Variants in FRMD3 observed in about 807,000 individuals in gnomAD.
The protein encoded by FRMD3 is FERM domain containing 3, also known as FERM domain-containing protein 3.
A neutral mutation model predicts 70.2 loss-of-function variants in FRMD3; 33 were observed. The observed-to-expected ratio is 0.47, with a 90% CI of 0.36 to 0.63. FRMD3 has a LOEUF of 0.63. Ranked by LOEUF, FRMD3 falls within the 20% of genes least tolerant of loss-of-function variation. The pLI, the probability that FRMD3 is intolerant of heterozygous loss-of-function variation, is 0.00. For synonymous variants in FRMD3, 279 were observed against 255.9 expected (o/e 1.09, Z -0.86); for missense variants, 632 against 711.4 (o/e 0.89, Z 1.27).
chr9:83,554,112 G>A, the FRMD3 span, among the ~76,000 whole-genome samples: 1 of 152,170 alleles, frequency 6.6e-6, no homozygotes, highest in Non-Finnish European at 1.5e-5. Flanking sequence ...AGTTTCATAG[G>A]GGGGTATATT....
chr9:83,334,926 T>C (rs1054218648), intron 6 of FRMD3, among the ~76,000 whole-genome samples: 1 of 152,360 alleles, frequency 6.6e-6, no homozygotes, highest in South Asian at 2.1e-4. Context: ...TCCTAGGTTG[T>C]TGTGAAGATT....
chr9:83,490,798 T>TCTCTCA (rs752047493), intron 1 of FRMD3, among the ~76,000 whole-genome samples: 200 of 110,776 alleles, frequency 1.8e-3, no homozygotes, highest in Non-Finnish European at 2.8e-3. Flanking sequence ...TCTCTCTCTC[T>TCTCTCA]CACACACACA....
chr9:83,551,936 G>C, the FRMD3 span, among the ~76,000 whole-genome samples: 1 of 148,656 alleles, frequency 6.7e-6, no homozygotes, highest in African/African-American at 2.5e-5. Context: ...TGGATTCATT[G>C]ATCTTTTGAA....
At chr9:83,463,987 G>A (rs188988667) in intron 1 of FRMD3, among the ~76,000 whole-genome samples, 3 of 152,218 alleles carry the variant, frequency 2.0e-5, no homozygotes, top group Admixed American at 2.0e-4. Context: ...CATCCCTCTT[G>A]TTTCAGGATT....
At chr9:83,283,546 A>ATAAT (rs1170602626) in intron 13 of FRMD3, among the ~76,000 whole-genome samples, 18 of 25,938 alleles carry the variant, frequency 6.9e-4, no homozygotes, top group African/African-American at 1.0e-3. Context: ...AAAAAAAAAA[A>ATAAT]AATAATAATA....
the FRMD3 span, among the ~76,000 whole-genome samples, chr9:83,556,858 T>C: frequency 2.0e-5 from 3 of 152,078 alleles, no homozygotes; most frequent in Admixed American, 2.0e-4. Context: ...CTTATTGAAT[T>C]AAGTAAAAAT....
the FRMD3 span, among the ~76,000 whole-genome samples, chr9:83,571,688 A>G: frequency 6.6e-6 from 1 of 152,260 alleles, no homozygotes; most frequent in South Asian, 2.1e-4. Context: ...ACCTTAACCC[A>G]GTACCACAGA....
chr9:83,546,825 G>T, the FRMD3 span, among the ~76,000 whole-genome samples: 3 of 142,662 alleles, frequency 2.1e-5, no homozygotes, highest in Non-Finnish European at 3.0e-5. Context: ...CCAGGAGGCG[G>T]AGGTTGCACT....
At position 83,537,004 on chromosome 9, in the gene FRMD3, C is replaced by T. The variant is rs947760468; in HGVS notation, c.147+1081G>A. ...GACTAGGGTAGGTGAGAAAGGAAAT[C>T]CCAGAGATAAACAGTTAAATAGATT... On this transcript the variant is annotated intron_variant, in intron 1 of 13. Transcript: ENST00000304195. The surrounding 1 kb of genome is among the most constrained non-coding windows in gnomAD (Gnocchi z 4.1). Among the ~76,000 whole-genome samples, 2 of 148,490 alleles carry T rather than the reference C, an allele frequency of 1.3e-5. No individual in the cohort carries two copies. Among genetic ancestry groups the T allele is most frequent in the African/African-American group, 5.0e-5 (2 of 40,062 alleles).
At chr9:83,495,248 C>T (rs1010170289) in intron 1 of FRMD3, among the ~76,000 whole-genome samples, 2 of 152,076 alleles carry the variant, frequency 1.3e-5, no homozygotes, top group African/African-American at 4.8e-5. Context: ...GTCCTGGAAG[C>T]AAGAAGAGGA....
intron 6 of FRMD3, among the ~76,000 whole-genome samples, chr9:83,318,790 C>T (rs1835683746): frequency 6.6e-6 from 1 of 152,170 alleles, no homozygotes; most frequent in South Asian, 2.1e-4. Context: ...TTTCTTTTCT[C>T]TGCATCCTTG....
At chr9:83,287,764 C>A (rs1423704618) in intron 13 of FRMD3, among the ~76,000 whole-genome samples, 1 of 152,216 alleles carries the variant, frequency 6.6e-6, no homozygotes, top group African/African-American at 2.4e-5. Context: ...GCCCTCAAGG[C>A]AGCTCAAGGC....
chr9:83,271,698 C>A (rs1443822065), intron 13 of FRMD3, among the ~76,000 whole-genome samples: 1 of 152,184 alleles, frequency 6.6e-6, no homozygotes, highest in African/African-American at 2.4e-5. Context: ...GACACTGTTC[C>A]TCTTATGATT....
intron 13 of FRMD3, among the ~76,000 whole-genome samples, chr9:83,250,293 G>A (rs559624717): frequency 2.6e-5 from 4 of 152,180 alleles, no homozygotes; most frequent in East Asian, 1.9e-4. Flanking sequence ...TGCAACCTGC[G>A]GATCAGGAGA....
intron 4 of FRMD3, among the ~76,000 whole-genome samples, chr9:83,346,031 G>A (rs764018648): frequency 5.9e-5 from 9 of 152,096 alleles, no homozygotes; most frequent in Non-Finnish European, 8.8e-5. Context: ...CGAGGCAGGC[G>A]GATAGCCTGA....
intron 5 of FRMD3, 97 bp from the exon 6 acceptor site, chr9:83,335,736 G>A: frequency 9.2e-7 from 1 of 1,082,470 alleles, no homozygotes; most frequent in East Asian, 2.6e-5. Flanking sequence ...AAAAGAAGAG[G>A]CTGGAATAAA....
At chr9:83,568,917 A>AAGAC in the FRMD3 span, among the ~76,000 whole-genome samples, 31 of 143,504 alleles carry the variant, frequency 2.2e-4, no homozygotes, top group Admixed American at 3.6e-4. Context: ...CTTGTTAGAA[A>AAGAC]AGATAGATAG....
intron 1 of FRMD3, among the ~76,000 whole-genome samples, chr9:83,495,519 ATAGAAAGGGGG>A (rs756372091): frequency 6.6e-6 from 1 of 152,240 alleles, no homozygotes; most frequent in Non-Finnish European, 1.5e-5. Context: ...ATACAAGAAA[ATAGAAAGGGGG>A]TAGCTGTCAG....
chr9:83,361,345 C>A (rs1824577450), intron 3 of FRMD3, among the ~76,000 whole-genome samples: 2 of 152,144 alleles, frequency 1.3e-5, no homozygotes, highest in Non-Finnish European at 2.9e-5. Flanking sequence ...TATACAAAGC[C>A]ATGGAACAGG....
Sources: gnomAD v4.1 joint callset for allele counts (sites outside exome capture counted in the v4.1 genomes callset) on GRCh38, gnomAD v4.1.1 for gene constraint, Gnocchi (gnomAD v3.1) non-coding constraint, MANE v1.5 for transcripts, NCBI Gene and HGNC (gene_info 2026-07-23, HGNC 2026-07-21) for gene names.